TMEM209: variants seen among roughly 807,000 people sequenced by gnomAD.
TMEM209 encodes transmembrane protein 209.
In TMEM209, 65 loss-of-function variants were observed where a neutral mutation model predicts 76.2. The observed-to-expected ratio is 0.85, with a 90% CI of 0.70 to 1.05. The LOEUF (loss-of-function observed/expected upper bound fraction) is 1.05. Among genes scored for constraint, TMEM209 ranks in the 50% least tolerant of loss-of-function variants. The pLI, the probability that TMEM209 is intolerant of heterozygous loss-of-function variation, is 0.00. For synonymous variants in TMEM209, 239 were observed against 237.6 expected (o/e 1.01, Z -0.06); for missense variants, 623 against 685.5 (o/e 0.91, Z 1.02).
At chr7:130,175,462 A>G (rs1476063183) in intron 11 of TMEM209, 50 bp downstream of exon 11, 2 of 1,519,968 alleles carry the variant, frequency 1.3e-6, no homozygotes, top group African/African-American at 2.7e-5. Context: ...ACCCTGTGTC[A>G]GTCAATCAAC....
chr7:130,196,027 T>C (rs1458548410), intron 5 of TMEM209, among the ~76,000 whole-genome samples: 1 of 152,180 alleles, frequency 6.6e-6, no homozygotes, highest in African/African-American at 2.4e-5. Context: ...CTCAAGTTTA[T>C]GTTAACATGT....
chr7:130,181,877 AG>A (rs1242299856), intron 8 of TMEM209, 158 bp from the exon 9 acceptor site: 1 of 569,798 alleles, frequency 1.8e-6, no homozygotes, highest in East Asian at 3.0e-5. Context: ...TGAAAGTAAT[AG>A]CTACCCGAAA....
At chr7:130,179,296 C>G (rs564490730) in intron 9 of TMEM209, among the ~76,000 whole-genome samples, 1 of 152,126 alleles carries the variant, frequency 6.6e-6, no homozygotes, top group African/African-American at 2.4e-5. Context: ...GAACCATTCC[C>G]AGCAAGATAG....
At chr7:130,204,415 C>G (rs1396709922) in intron 1 of TMEM209, among the ~76,000 whole-genome samples, 2 of 152,212 alleles carry the variant, frequency 1.3e-5, no homozygotes, top group Non-Finnish European at 2.9e-5. Context: ...GATCTCGACT[C>G]ACTGCAACCT....
chr7:130,165,166 C>T lies in TMEM209; in HGVS notation c.*1285G>A, dbSNP rs746588903. 3 of 152,102 alleles carry T rather than the reference C, an allele frequency of 2.0e-5. No homozygotes were observed. The highest frequency in any genetic ancestry group is 4.4e-5 in the Non-Finnish European group (3 of 68,014). The allele number at this position is 152,102 out of a possible 1,614,324, so 9.4% of individuals were successfully genotyped here. A position where few individuals can be genotyped will look rare whatever the true frequency, so the allele number is the denominator to read the frequency against. Reference sequence around the variant, plus strand: ...TTCAAAGTCTGAGGGAATGACAAAACGGGATGCACATCTAACACTGATACA... The same window carrying T: ...TTCAAAGTCTGAGGGAATGACAAAATGGGATGCACATCTAACACTGATACA... On this transcript the variant is annotated 3_prime_UTR_variant, in exon 15 of 15. Coordinates refer to ENST00000397622, the MANE Select transcript of TMEM209 (RefSeq NM_032842.4).
intron 13 of TMEM209, among the ~76,000 whole-genome samples, chr7:130,172,320 T>G (rs749238653): frequency 2.6e-5 from 4 of 152,124 alleles, no homozygotes; most frequent in African/African-American, 4.8e-5. Flanking sequence ...TGAAGATACA[T>G]TTTCAGCAGT....
chr7:130,200,521 A>C (rs1798153034), intron 5 of TMEM209, among the ~76,000 whole-genome samples: 1 of 152,178 alleles, frequency 6.6e-6, no homozygotes, highest in Non-Finnish European at 1.5e-5. Flanking sequence ...AAAATGACTT[A>C]AACATTCAAG....
At chr7:130,195,866 T>G (rs1035461090) in intron 5 of TMEM209, among the ~76,000 whole-genome samples, 1 of 152,160 alleles carries the variant, frequency 6.6e-6, no homozygotes, top group African/African-American at 2.4e-5. Context: ...AGGCAGTCAT[T>G]ATATATGTTA....
rs1284149533 is a variant in TMEM209, at chr7:130,201,897, A to T, written c.526T>A (p.Ser176Thr). 1 of 1,613,932 alleles carries T rather than the reference A, an allele frequency of 6.2e-7. No individual in the cohort carries two copies. Among genetic ancestry groups the T allele is most frequent in the Non-Finnish European group, 8.5e-7 (1 of 1,179,872 alleles). The change falls in exon 5 of 15, where the codon TCT (serine) becomes ACT (threonine). Residue 176 changes from serine to threonine, a missense_variant. Transcript: ENST00000397622. Reference sequence around the variant, plus strand: ...GAGTAGGTCACTCCAGGGCTATAAGAACCACTGCCACCTGAGGACAGACCT... The same window carrying T: ...GAGTAGGTCACTCCAGGGCTATAAGTACCACTGCCACCTGAGGACAGACCT... ...LQGLSSGGSG[S>T]YSPGVTYSPV... is the part of the protein sequence containing the mutation.
chr7:130,192,635 A>G lies in TMEM209; in HGVS notation c.762T>C (p.His254=). The G allele has an allele frequency of 1.9e-6, 3 of 1,613,646 alleles. No individual in the cohort carries two copies. The highest frequency in any genetic ancestry group is 2.2e-5 in the East Asian group (1 of 44,878). The change falls in exon 6 of 15, where the codon CAT becomes CAC. Residue 254 remains histidine (H), a synonymous_variant. Transcript: ENST00000397622. ...TFLRSEEEKQ[H]RVKLGSPDST... is the part of the protein sequence containing the mutation. ...ATATATATGTACCCAGCTTAACCCTATGCTGTTTCTCCTCTTCACTTCTGA... is the reference window on the plus strand; with the variant it reads ...ATATATATGTACCCAGCTTAACCCTGTGCTGTTTCTCCTCTTCACTTCTGA...
intron 6 of TMEM209, among the ~76,000 whole-genome samples, chr7:130,187,812 C>A (rs1797652567): frequency 6.6e-6 from 1 of 152,050 alleles, no homozygotes; most frequent in South Asian, 2.1e-4. Flanking sequence ...TCCTAAGGCA[C>A]CTGACAGAGG....
chr7:130,187,249 A>C (rs1426020295), intron 6 of TMEM209, among the ~76,000 whole-genome samples: 1 of 151,860 alleles, frequency 6.6e-6, no homozygotes, highest in Non-Finnish European at 1.5e-5. Context: ...TCTCAAAAAC[A>C]AAAAAAACCT....
At chr7:130,170,747 T>C (rs945962918) in intron 13 of TMEM209, among the ~76,000 whole-genome samples, 3 of 151,908 alleles carry the variant, frequency 2.0e-5, no homozygotes, top group African/African-American at 7.3e-5. Flanking sequence ...AGGAATGCTA[T>C]GAGAGGAGGT....
At chr7:130,202,798 G>T in intron 3 of TMEM209, 135 bp from the exon 4 acceptor site, 2 of 1,074,560 alleles carry the variant, frequency 1.9e-6, no homozygotes, top group Non-Finnish European at 2.5e-6. Flanking sequence ...TGAATGTTAT[G>T]TGTAGGGTGG....
chr7:130,197,559 G>A (rs140241723), intron 5 of TMEM209, among the ~76,000 whole-genome samples: 134 of 152,278 alleles, frequency 8.8e-4, no homozygotes, highest in African/African-American at 3.0e-3. Context: ...CAATTTGAAT[G>A]CATTTAATGC....
At chr7:130,172,876 G>T (rs1481930195) in intron 13 of TMEM209, among the ~76,000 whole-genome samples, 2 of 151,326 alleles carry the variant, frequency 1.3e-5, no homozygotes, top group East Asian at 3.9e-4. Flanking sequence ...GCGGGTGCCT[G>T]TAATCCCAGC....
chr7:130,172,998 CAAAAAA>C (rs67876495), intron 13 of TMEM209, among the ~76,000 whole-genome samples: 4 of 86,688 alleles, frequency 4.6e-5, no homozygotes, highest in South Asian at 4.5e-4. Flanking sequence ...GACTCTATCT[CAAAAAA>C]AAAAAAAAAA....
At chr7:130,196,144 T>C (rs1797963680) in intron 5 of TMEM209, among the ~76,000 whole-genome samples, 1 of 152,182 alleles carries the variant, frequency 6.6e-6, no homozygotes, top group Non-Finnish European at 1.5e-5. Flanking sequence ...AACTGGTCTC[T>C]TCACTTTTGT....
chr7:130,204,989 G>T (rs1798386955), intron 1 of TMEM209: 3 of 1,153,534 alleles, frequency 2.6e-6, no homozygotes, highest in Non-Finnish European at 2.2e-6. Flanking sequence ...GGTGAGCGGA[G>T]TAAGAGGGAG....
Sources: allele counts gnomAD v4.1 joint callset (sites outside exome capture counted in the v4.1 genomes callset), GRCh38; gene constraint gnomAD v4.1.1; transcripts MANE v1.5; gene names NCBI Gene and HGNC (gene_info 2026-07-23, HGNC 2026-07-21).